CELA3B: variants seen among roughly 807,000 people sequenced by gnomAD.
The protein encoded by CELA3B is chymotrypsin-like elastase family member 3B.
In CELA3B, 34 loss-of-function variants were observed where a neutral mutation model predicts 37.2. The observed-to-expected ratio is 0.91, with a 90% CI of 0.70 to 1.22. The LOEUF is 1.22. CELA3B is among the 50% of genes most tolerant of loss of function. CELA3B has a pLI of 0.00. For missense variants in CELA3B, 340 were observed against 363.1 expected, an observed-to-expected ratio of 0.94 and a Z score of 0.52; for synonymous variants, 127 against 143.5, an observed-to-expected ratio of 0.89 and a Z score of 0.82.
At chr1:21,994,911 A>G (rs577104582) in intron 4 of CELA3B, among the ~76,000 whole-genome samples, 2 of 142,336 alleles carry the variant, frequency 1.4e-5, no homozygotes, top group African/African-American at 5.3e-5. Flanking sequence ...CTGAGGTGGG[A>G]GGATCGCCTG....
At chr1:21,988,021 G>T (rs1330828305) in intron 7 of CELA3B, 1 of 148,132 alleles carries the variant, frequency 6.8e-6, no homozygotes, top group Non-Finnish European at 1.5e-5. Context: ...GACCAGCCTG[G>T]CCGACATGGT....
intron 2 of CELA3B, among the ~76,000 whole-genome samples, chr1:21,979,720 C>T (rs1644793768): frequency 6.6e-6 from 1 of 151,300 alleles, no homozygotes; most frequent in African/African-American, 2.4e-5. Flanking sequence ...TCCCACAGTG[C>T]TGGGATTATA....
Position 21,984,199 on chromosome 1 carries a change from A to G in CELA3B, c.510A>G (p.Pro170=), listed in dbSNP as rs1644824073. 1.2e-6 allele frequency: 2 copies of G among 1,613,496 alleles called. No individual in the cohort carries two copies. Among genetic ancestry groups the G allele is most frequent in the Non-Finnish European group, 1.7e-6 (2 of 1,179,726 alleles). ...TTTTTATCGCTGCAGCCAACGGGCC[A>G]CTCCCAGACAAGCTGCAGGAGGCCC... ...TGWGRLYTNG[P]LPDKLQEALL... is the part of the protein sequence containing the mutation. Residue 170 remains proline, a synonymous_variant, in exon 6 of 8, where the codon CCA becomes CCG. Transcript: ENST00000337107.
At chr1:21,984,945 TA>T (rs956210659) in intron 6 of CELA3B, among the ~76,000 whole-genome samples, 9 of 148,934 alleles carry the variant, frequency 6.0e-5, no homozygotes, top group African/African-American at 1.2e-4. Flanking sequence ...AGACTCTGTC[TA>T]AAAAAAAAAT....
At chr1:21,992,585 G>C (rs1190304946), downstream of CELA3B, among the ~76,000 whole-genome samples, 6 of 151,586 alleles carry the variant, frequency 4.0e-5, no homozygotes, top group African/African-American at 1.5e-4. Flanking sequence ...TGGAGCAGGA[G>C]CAGGGGGTGT....
intron 1 of CELA3B, among the ~76,000 whole-genome samples, 188 bp downstream of exon 1, chr1:21,977,270 C>T (rs374368019): frequency 1.6e-4 from 24 of 152,008 alleles, no homozygotes; most frequent in Non-Finnish European, 3.1e-4. Context: ...GAGGGGAAGC[C>T]GTGGATGGAG....
At position 21,988,912 on chromosome 1, in the gene CELA3B, A is replaced by C. The variant is rs1303110441; in HGVS notation, c.796-350A>C. On this transcript the variant is annotated intron_variant, in intron 7 of 7. Transcript: ENST00000337107. Reference sequence around the variant, plus strand: ...CTCAAAAAGAAAAAAAACTCCAAAAATATATATTTTGTTTATATACATACA... The same window carrying C: ...CTCAAAAAGAAAAAAAACTCCAAAACTATATATTTTGTTTATATACATACA... 2.1e-4 allele frequency among the ~76,000 whole-genome samples: 4 copies of C among 19,258 alleles called. 1 individual carries two copies. Among genetic ancestry groups the C allele is most frequent in the Admixed American group, 3.4e-3 (2 of 594 alleles). The allele number at this position is 19,258 out of a possible 152,430, so 12.6% of individuals were successfully genotyped here. A position where few individuals can be genotyped will look rare whatever the true frequency, so the allele number is the denominator to read the frequency against.
chr1:21,979,549 T>A (rs6703434), intron 2 of CELA3B, among the ~76,000 whole-genome samples: 133,758 of 147,762 alleles, frequency 0.91, 61,319 homozygotes, highest in Non-Finnish European at 0.98. Flanking sequence ...ACCTCCTAGG[T>A]CCAAGCAATC....
chr1:21,994,067 G>A (rs1644879401), downstream of CELA3B, among the ~76,000 whole-genome samples: 1 of 151,466 alleles, frequency 6.6e-6, no homozygotes, highest in Non-Finnish European at 1.5e-5. Context: ...GGCCTCCTGT[G>A]GCCTTGTGTG....
chr1:21,984,634 G>T lies in CELA3B; in HGVS notation c.642+303G>T, dbSNP rs139935607. Among the ~76,000 whole-genome samples the T allele has an allele frequency of 2.1e-4, 32 of 152,246 alleles. 1 individual carries two copies. In the East Asian group the frequency reaches 5.0e-3, roughly 24 times the overall value. On this transcript the variant is annotated intron_variant, in intron 6 of 7. Coordinates refer to ENST00000337107, the MANE Select transcript of CELA3B (RefSeq NM_007352.4). ...ACTGGTCCCATGACCTCCAACGCAG[G>T]TCAATTCTGTGGTTCTAAAGTTATA...
chr1:21,979,734 G>C (rs1172454337), intron 2 of CELA3B, among the ~76,000 whole-genome samples: 4 of 151,262 alleles, frequency 2.6e-5, no homozygotes, highest in African/African-American at 7.3e-5. Flanking sequence ...GATTATAGGC[G>C]TGAGCCACCA....
chr1:21,996,082 A>G (rs1644888972), intron 4 of CELA3B, among the ~76,000 whole-genome samples: 1 of 151,102 alleles, frequency 6.6e-6, no homozygotes, highest in Non-Finnish European at 1.5e-5. Context: ...GCGTGGTGGC[A>G]CATGCCTGTA....
intron 6 of CELA3B, among the ~76,000 whole-genome samples, chr1:21,985,044 C>T (rs1430933240): frequency 1.3e-5 from 2 of 152,008 alleles, no homozygotes; most frequent in African/African-American, 4.8e-5. Flanking sequence ...CTTTGGGAGG[C>T]TGAGGCGGGA....
exon 5 of CELA3B, chr1:21,998,429 A>G (rs1644900338): frequency 3.3e-6 from 1 of 299,536 alleles, no homozygotes; most frequent in East Asian, 8.1e-5. Context: ...ATCATCAAAC[A>G]TCTATTAATA....
intron 2 of CELA3B, among the ~76,000 whole-genome samples, chr1:21,979,667 T>G (rs1644793438): frequency 2.0e-5 from 3 of 151,176 alleles, no homozygotes; most frequent in Middle Eastern, 3.4e-3. Context: ...TTGCCCAGGC[T>G]TGCCTCGAAC....
chr1:21,983,584 G>C (rs1557865603), intron 4 of CELA3B, 110 bp from the exon 5 acceptor site: 13 of 1,473,308 alleles, frequency 8.8e-6, no homozygotes, highest in Non-Finnish European at 9.2e-6. Flanking sequence ...GGATTTGGAG[G>C]GTGAAGGAGC....
rs898715061 is a variant in CELA3B at position 21,995,460 on chromosome 1, G to T, written c.505-2691G>T. On this transcript the variant is annotated intron_variant, in intron 4 of 4. Coordinates refer to the CELA3B transcript ENST00000400277. ...GCTTGTTAAGAGGACTTTTTATTGT[G>T]TACAGGGGCTGTGCAGAATGGAAAC... Among the ~76,000 whole-genome samples, 2 of 150,948 alleles carry T rather than the reference G, an allele frequency of 1.3e-5. 1 individual carries two copies. Among genetic ancestry groups the T allele is most frequent in the Admixed American group, 1.3e-4 (2 of 15,138 alleles).
intron 6 of CELA3B, among the ~76,000 whole-genome samples, chr1:21,984,764 T>C (rs1644827935): frequency 6.6e-6 from 1 of 152,002 alleles, no homozygotes; most frequent in Admixed American, 6.6e-5. Flanking sequence ...CTGGCCAACA[T>C]GGTGAAACCC....
At chr1:21,994,876 C>A (rs2152818145) in intron 4 of CELA3B, among the ~76,000 whole-genome samples, 1 of 149,974 alleles carries the variant, frequency 6.7e-6, no homozygotes, top group Middle Eastern at 3.4e-3. Flanking sequence ...GTGGTGCGTG[C>A]CTGCAGTCCC....
Sources: allele counts gnomAD v4.1 joint callset (sites outside exome capture counted in the v4.1 genomes callset), GRCh38; gene constraint gnomAD v4.1.1; transcripts MANE v1.5; gene names NCBI Gene and HGNC (gene_info 2026-07-23, HGNC 2026-07-21).